The following USP6 variants were observed in gnomAD, a reference collection of about 807,000 sequenced individuals.
USP6 encodes the protein ubiquitin specific peptidase 6, also known as ubiquitin carboxyl-terminal hydrolase 6.
A neutral mutation model predicts 175.7 loss-of-function variants in USP6; 128 were observed. The observed-to-expected ratio is 0.73, with a 90% CI of 0.63 to 0.84. USP6 has a LOEUF of 0.84. USP6 is among the 40% of genes least tolerant of loss of function. The pLI is 0.00. For missense variants in USP6, 1,498 were observed against 1,760.3 expected (o/e 0.85, Z 2.67); for synonymous variants, 562 against 630.6 (o/e 0.89, Z 1.63).
At chr17:5,157,713 C>T (rs1471694632) in intron 31 of USP6, among the ~76,000 whole-genome samples, 1 of 152,120 alleles carries the variant, frequency 6.6e-6, no homozygotes, top group South Asian at 2.1e-4. Flanking sequence ...CTCACTGCAC[C>T]TCTGCCTCCC....
Position 5,173,250 on chromosome 17 carries a change from T to C in USP6, c.*272T>C, listed in dbSNP as rs565339491. 63 of 415,570 alleles carry C rather than the reference T, an allele frequency of 1.5e-4. No individual in the cohort carries two copies. The highest frequency in any genetic ancestry group is 1.1e-3 in the African/African-American group (55 of 50,716). 25.7% of individuals were successfully genotyped at this position (415,570 alleles called of 1,614,324 possible). ...CCAGCCACCTGGGACCAAATAAGAA[T>C]TGAATTGTGCTTGTCCAGATATGAA... On this transcript the variant is annotated 3_prime_UTR_variant, in exon 38 of 38. Coordinates refer to ENST00000574788, the MANE Select transcript of USP6 (RefSeq NM_001304284.2).
intron 30 of USP6, among the ~76,000 whole-genome samples, chr17:5,152,015 G>T (rs1459950060): frequency 6.6e-6 from 1 of 152,096 alleles, no homozygotes; most frequent in African/African-American, 2.4e-5. Context: ...GAGATGAGAC[G>T]GACGGGTCAC....
At chr17:5,122,172 C>T (rs1484658726) in intron 4 of USP6, among the ~76,000 whole-genome samples, 1 of 151,850 alleles carries the variant, frequency 6.6e-6, no homozygotes, top group African/African-American at 2.4e-5. Flanking sequence ...GAAGGTGGTG[C>T]ACGCAGAAGA....
In USP6 at chr17:5,132,739, G is replaced by T. The variant is rs1242084412; in HGVS notation, c.196-171G>T. Among the ~76,000 whole-genome samples, 1 of 152,120 alleles carries T rather than the reference G, an allele frequency of 6.6e-6. No homozygotes were observed. The highest frequency in any genetic ancestry group is 1.5e-5 in the Non-Finnish European group (1 of 68,010). On this transcript the variant is annotated intron_variant, in intron 12 of 37. Transcript: ENST00000574788. The surrounding 1 kb of genome is among the most constrained non-coding windows in gnomAD (Gnocchi z 4.7). ...GGATGGCATGTCCCGGGGTCCCAAA[G>T]CCAGCCCATTGGTGCTCATTTGCTC...
intron 36 of USP6, 40 bp downstream of exon 36, chr17:5,170,955 GT>G: frequency 6.3e-7 from 1 of 1,596,430 alleles, no homozygotes; most frequent in East Asian, 2.2e-5. Flanking sequence ...AGTGGTCTGT[GT>G]TTTGTTCACT....
chr17:5,159,555 A>G (rs2073962741), intron 31 of USP6, among the ~76,000 whole-genome samples: 1 of 152,212 alleles, frequency 6.6e-6, no homozygotes, highest in Non-Finnish European at 1.5e-5. Flanking sequence ...GTAGCACATG[A>G]TACAAAGAAG....
intron 4 of USP6, among the ~76,000 whole-genome samples, chr17:5,123,891 A>C (rs1394943299): frequency 1.3e-5 from 2 of 149,212 alleles, no homozygotes; most frequent in East Asian, 3.9e-4. Flanking sequence ...GCTCGCGCGC[A>C]AGCACGCACG....
intron 37 of USP6, 76 bp downstream of exon 37, chr17:5,171,755 T>G: frequency 2.8e-6 from 4 of 1,441,816 alleles, no homozygotes; most frequent in South Asian, 1.2e-5. Context: ...TAATGGACTA[T>G]CTCTTGAATA....
chr17:5,170,872 A>C lies in USP6; in HGVS notation c.3911A>C (p.Glu1304Ala), dbSNP rs1392483503. The C allele has an allele frequency of 6.2e-7, 1 of 1,612,552 alleles. No homozygotes were observed. The highest frequency in any genetic ancestry group is 2.2e-5 in the East Asian group (1 of 44,892). The part of the protein sequence containing the change: ...SEEDSTDDQR[E>A]DTHIKPIYNL... The stretch of plus-strand genomic sequence containing the variant: ...GAAGACAGCACTGATGACCAAAGAG[A>C]AGACACTCATATTAAGCCTATTTAT... The change falls in exon 36 of 38, where the codon GAA becomes GCA. Residue 1304 changes from glutamate (E) to alanine (A), a missense_variant. Physicochemically the swap from Glu to Ala is moderately radical, Grantham distance 107 (BLOSUM62 -1). This residue lies in a region of USP6 where 1,217 missense variants were observed against 1,500.8 expected (regional missense o/e 0.81). Transcript: ENST00000574788.
intron 7 of USP6, among the ~76,000 whole-genome samples, chr17:5,128,040 G>T (rs528872484): frequency 6.6e-6 from 1 of 152,222 alleles, no homozygotes; most frequent in Non-Finnish European, 1.5e-5. Context: ...AGCAGGTGTT[G>T]ATCAGGGGGA....
intron 1 of USP6, among the ~76,000 whole-genome samples, chr17:5,117,260 C>G (rs1353620138): frequency 2.0e-5 from 3 of 152,148 alleles, no homozygotes; most frequent in Non-Finnish European, 2.9e-5. Flanking sequence ...GCTCAAGCCT[C>G]TAATCCCAGC....
intron 4 of USP6, among the ~76,000 whole-genome samples, chr17:5,123,462 G>A (rs1394880796): frequency 6.6e-6 from 1 of 152,044 alleles, no homozygotes; most frequent in Non-Finnish European, 1.5e-5. Flanking sequence ...CAGGCAGGGG[G>A]CCGGCCCAGC....
intron 6 of USP6, chr17:5,126,865 G>A (rs1253922410): frequency 6.6e-6 from 1 of 152,368 alleles, no homozygotes; most frequent in South Asian, 2.1e-4. Flanking sequence ...GGTGTGGGGT[G>A]TGCCCATGCT....
In USP6 at chr17:5,138,150, C is replaced by T. The variant is rs1242424396; in HGVS notation, c.955C>T (p.Leu319=). ...KRLMKTSRCG[L]WARLRNQFFD... ...CCTCATGAAGACATCCAGGTGTGGC[C>T]TGTGGGCACGTCTGCGGAACCAATT... Residue 319 remains leucine, a synonymous_variant, in exon 21 of 38, where the codon CTG becomes TTG. Coordinates refer to ENST00000574788, the MANE Select transcript of USP6 (RefSeq NM_001304284.2). The T allele has an allele frequency of 6.2e-7, 1 of 1,614,138 alleles. No homozygotes were observed.
At position 5,137,717 on chromosome 17, in the gene USP6, C is replaced by A. The variant is rs2073302831; in HGVS notation, c.892C>A (p.Pro298Thr). The A allele has an allele frequency of 1.2e-6, 2 of 1,608,520 alleles. No individual in the cohort carries two copies. Among genetic ancestry groups the A allele is most frequent in the Admixed American group, 3.3e-5 (2 of 59,804 alleles). Reference protein sequence around the residue: ...YLVEGEQVLMPITSIALKVQQ... With the variant: ...YLVEGEQVLMTITSIALKVQQ... ...GGTGGAAGGAGAACAGGTGTTGATG[C>A]CAATAACCAGCATTGCTCTTAAGGT... is the stretch of plus-strand genomic sequence containing the variant. The change falls in exon 20 of 38, where the codon CCA becomes ACA. Residue 298 changes from proline to threonine, a missense_variant. Coordinates refer to ENST00000574788, the MANE Select transcript of USP6 (RefSeq NM_001304284.2).
intron 35 of USP6, 124 bp downstream of exon 35, chr17:5,169,179 T>G: frequency 8.9e-7 from 1 of 1,128,254 alleles, no homozygotes. Flanking sequence ...GAATCAGACC[T>G]ATCTGTATTT....
At chr17:5,133,855 G>C (rs895230396) in intron 14 of USP6, 32 bp from the exon 15 acceptor site, 1 of 1,605,102 alleles carries the variant, frequency 6.2e-7, no homozygotes, top group Admixed American at 1.7e-5. Context: ...TCTGTTCTGA[G>C]GCTGCTTCCT....
At chr17:5,151,814 GC>G (rs2144049655) in intron 30 of USP6, among the ~76,000 whole-genome samples, 1 of 152,210 alleles carries the variant, frequency 6.6e-6, no homozygotes, top group Non-Finnish European at 1.5e-5. Flanking sequence ...CCTACCTTTC[GC>G]CACAATTTCA....
Position 5,150,738 on chromosome 17 carries a change from C to G in USP6, c.2643+1971C>G, listed in dbSNP as rs2073748079. Among the ~76,000 whole-genome samples the G allele has an allele frequency of 2.6e-5, 4 of 152,042 alleles. No homozygotes were observed. In the South Asian group the frequency reaches 8.3e-4, roughly 32 times the overall value. On this transcript the variant is annotated intron_variant, in intron 30 of 37. Transcript: ENST00000574788. ...TTGATCTCCTGACCTCGTGATCTGCCTGCCTCGCCCTCCCGAAGTGCTGGG... is the reference window on the plus strand; with the variant it reads ...TTGATCTCCTGACCTCGTGATCTGCGTGCCTCGCCCTCCCGAAGTGCTGGG...
Sources: gnomAD v4.1 joint callset for allele counts (sites outside exome capture counted in the v4.1 genomes callset) on GRCh38, gnomAD v4.1.1 for gene constraint, gnomAD v4.1.1 regional missense constraint, Gnocchi (gnomAD v3.1) non-coding constraint, MANE v1.5 for transcripts, NCBI Gene and HGNC (gene_info 2026-07-23, HGNC 2026-07-21) for gene names.